Variants in CCNH observed in about 807,000 individuals in gnomAD.
CCNH encodes the protein cyclin H, also known as cyclin-H.
In CCNH, 31 loss-of-function variants were observed where a neutral mutation model predicts 41.9. The ratio of observed to expected loss-of-function variants is 0.74; its 90% CI spans 0.56 to 1.00. The LOEUF (loss-of-function observed/expected upper bound fraction) is 1.00, where lower values mean the gene tolerates loss of function less well. CCNH is among the 50% of genes least tolerant of loss of function. CCNH has a pLI of 0.00. For synonymous variants in CCNH, 138 were observed against 136.1 expected (o/e 1.01, Z -0.10); for missense variants, 362 against 388.4 (o/e 0.93, Z 0.57).
downstream of CCNH, among the ~76,000 whole-genome samples, chr5:87,314,795 T>C (rs1015378081): frequency 6.6e-6 from 1 of 152,132 alleles, no homozygotes; most frequent in African/African-American, 2.4e-5. Context: ...GATTGAAAGA[T>C]CCAGTTGCTG....
upstream of CCNH, among the ~76,000 whole-genome samples, chr5:87,378,726 T>G (rs923972537): frequency 7.2e-5 from 11 of 152,204 alleles, no homozygotes; most frequent in Non-Finnish European, 1.2e-4. Context: ...AAGATGTACT[T>G]TATTTTGGGA....
At chr5:87,356,300 A>G (rs765630768) in intron 9 of CCNH, among the ~76,000 whole-genome samples, 41 of 152,134 alleles carry the variant, frequency 2.7e-4, no homozygotes, top group Non-Finnish European at 5.9e-5. Flanking sequence ...CCACTGCCCT[A>G]ATCACTTAGC....
chr5:87,342,464 T>A (rs577944942), intron 9 of CCNH, among the ~76,000 whole-genome samples: 1 of 152,038 alleles, frequency 6.6e-6, no homozygotes, highest in Non-Finnish European at 1.5e-5. Context: ...CAGCTAGGAG[T>A]TGCAAATTCT....
At chr5:87,402,188 G>C (rs1763470110) in intron 5 of CCNH, among the ~76,000 whole-genome samples, 1 of 152,176 alleles carries the variant, frequency 6.6e-6, no homozygotes, top group Non-Finnish European at 1.5e-5. Context: ...TCTGGCACTA[G>C]TAAGGATTCT....
intron 9 of CCNH, among the ~76,000 whole-genome samples, chr5:87,384,979 C>CT (rs148920849): frequency 0.012 from 1,812 of 152,036 alleles, 30 homozygotes; most frequent in African/African-American, 0.041. Flanking sequence ...GAGTGACAAT[C>CT]TTTTTTAGTG....
intron 7 of CCNH, among the ~76,000 whole-genome samples, chr5:87,395,969 T>C (rs1762925163): frequency 6.6e-6 from 1 of 151,906 alleles, no homozygotes; most frequent in Non-Finnish European, 1.5e-5. Flanking sequence ...ATATATCATA[T>C]ATAAATAAGT....
At chr5:87,376,619 C>T in exon 1 of CCNH, 1 of 1,564,420 alleles carries the variant, frequency 6.4e-7, no homozygotes, top group Non-Finnish European at 8.8e-7. Flanking sequence ...AAACATTTAA[C>T]ATTTAATAAA....
At position 87,412,873 on chromosome 5, in the gene CCNH, C is replaced by T; in HGVS notation, c.-79G>A. ...AGCGTCCTGGCGTAAAACACCCGTACCCCCACCGAAGATCTCGCGGAAGCC... is the reference window on the plus strand; with the variant it reads ...AGCGTCCTGGCGTAAAACACCCGTATCCCCACCGAAGATCTCGCGGAAGCC... On this transcript the variant is annotated 5_prime_UTR_variant, in exon 1 of 9. Coordinates refer to ENST00000256897, the MANE Select transcript of CCNH (RefSeq NM_001239.4). 6.4e-7 allele frequency: 1 copy of T among 1,557,164 alleles called. No individual in the cohort carries two copies. The highest frequency in any genetic ancestry group is 8.7e-7 in the Non-Finnish European group (1 of 1,148,776).
intron 9 of CCNH, among the ~76,000 whole-genome samples, chr5:87,332,026 A>G (rs1757638385): frequency 1.3e-5 from 2 of 152,266 alleles, no homozygotes; most frequent in African/African-American, 2.4e-5. Flanking sequence ...TCTAATGCAT[A>G]TAGTGTTAAA....
At chr5:87,404,693 G>T in intron 5 of CCNH, 151 bp downstream of exon 5, 1 of 625,056 alleles carries the variant, frequency 1.6e-6, no homozygotes, top group Non-Finnish European at 2.7e-6. Flanking sequence ...TTTTCATGAT[G>T]TTTAAAGATT....
chr5:87,354,987 C>T (rs1054311931), intron 9 of CCNH, among the ~76,000 whole-genome samples: 1 of 152,152 alleles, frequency 6.6e-6, no homozygotes, highest in Admixed American at 6.6e-5. Flanking sequence ...GGTGAGGAAG[C>T]TCCAGAAGAA....
At chr5:87,387,363 G>C (rs1762134475), downstream of CCNH, among the ~76,000 whole-genome samples, 1 of 152,124 alleles carries the variant, frequency 6.6e-6, no homozygotes, top group Admixed American at 6.6e-5. Flanking sequence ...ACTTCATTCA[G>C]TGTGAATATC....
At chr5:87,412,643 A>G (rs1192931042) in intron 1 of CCNH, 35 bp downstream of exon 1, 1 of 1,610,506 alleles carries the variant, frequency 6.2e-7, no homozygotes, top group Non-Finnish European at 8.5e-7. Flanking sequence ...GAATTTAGTG[A>G]CCGGGCAACT....
chr5:87,313,354 A>G, the CCNH span, among the ~76,000 whole-genome samples: 2 of 152,200 alleles, frequency 1.3e-5, no homozygotes, highest in Non-Finnish European at 2.9e-5. Context: ...TAGGAGGACA[A>G]TGCAAATAGT....
chr5:87,342,304 G>A (rs181942772), intron 9 of CCNH, among the ~76,000 whole-genome samples: 3 of 151,894 alleles, frequency 2.0e-5, no homozygotes, highest in Admixed American at 1.3e-4. Flanking sequence ...GACCACCGGC[G>A]CACAACACCA....
chr5:87,380,451 TAGG>T (rs1761630653), upstream of CCNH: 6 of 1,438,262 alleles, frequency 4.2e-6, no homozygotes, highest in South Asian at 2.3e-5. Flanking sequence ...TTTTGGCTGC[TAGG>T]AGATCAGTGT....
chr5:87,326,723 TG>T (rs1404188314), intron 9 of CCNH, among the ~76,000 whole-genome samples: 1 of 152,168 alleles, frequency 6.6e-6, no homozygotes, highest in East Asian at 1.9e-4. Flanking sequence ...GGGGGCTCTT[TG>T]GGGGTTTCCT....
intron 3 of CCNH, 134 bp downstream of exon 3, chr5:87,409,156 C>A: frequency 9.4e-6 from 4 of 426,668 alleles, no homozygotes; most frequent in South Asian, 1.3e-4. Flanking sequence ...AAATAGAATT[C>A]AAGTCTAAAT....
At chr5:87,367,904 C>T (rs1345354316) in intron 9 of CCNH, among the ~76,000 whole-genome samples, 1 of 152,046 alleles carries the variant, frequency 6.6e-6, no homozygotes, top group Non-Finnish European at 1.5e-5. Flanking sequence ...TCTCACACAA[C>T]TTTCTCTGGA....
Sources: gnomAD v4.1 joint callset for allele counts (sites outside exome capture counted in the v4.1 genomes callset) on GRCh38, gnomAD v4.1.1 for gene constraint, MANE v1.5 for transcripts, NCBI Gene and HGNC (gene_info 2026-07-23, HGNC 2026-07-21) for gene names.